The following ITGAL variants were observed in gnomAD, a reference collection of about 807,000 sequenced individuals.
ITGAL encodes the protein integrin subunit alpha L.
ITGAL carries 68 observed loss-of-function variants against 138.4 expected under a neutral mutation model. The ratio of observed to expected loss-of-function variants is 0.49; its 90% CI spans 0.40 to 0.60. ITGAL has a LOEUF of 0.60. ITGAL is among the 20% of genes least tolerant of loss of function. The pLI is 0.00. For synonymous variants in ITGAL, 561 were observed against 584.3 expected (o/e 0.96, Z 0.57); for missense variants, 1,256 against 1,478.6 (o/e 0.85, Z 2.47).
In ITGAL at chr16:30,475,321, T is replaced by A; in HGVS notation, c.180T>A (p.Ala60=). 1 of 1,613,254 alleles carries A rather than the reference T, an allele frequency of 6.2e-7. No homozygotes were observed. Among genetic ancestry groups the A allele is most frequent in the Non-Finnish European group, 8.5e-7 (1 of 1,179,588 alleles). Residue 60 remains alanine, a synonymous_variant, in exon 3 of 31, where the codon GCT becomes GCA. Transcript: ENST00000356798. Reference sequence around the variant, plus strand: ...TTCTCACCAGGGTCATCGTGGGAGCTCCAGGGGAGGGGAACAGCACAGGAA... The same window carrying A: ...TTCTCACCAGGGTCATCGTGGGAGCACCAGGGGAGGGGAACAGCACAGGAA... The part of the protein sequence containing the change: ...LQVGNGVIVG[A]PGEGNSTGSL...
Position 30,496,172 on chromosome 16 carries a change from G to C in ITGAL, c.1579G>C (p.Ala527Pro). The change falls in exon 14 of 31, where the codon GCT (alanine) becomes CCT (proline). Residue 527 changes from alanine (A) to proline (P), a missense_variant. Physicochemically the swap from Ala to Pro is conservative, Grantham distance 27 (BLOSUM62 -1). Coordinates refer to ENST00000356798, the MANE Select transcript of ITGAL (RefSeq NM_002209.3). ...CGGGCGGTTTGGAGAAGCCATCACTGCTCTGACAGACATCAACGGCGATGG... is the reference window on the plus strand; with the variant it reads ...CGGGCGGTTTGGAGAAGCCATCACTCCTCTGACAGACATCAACGGCGATGG... ...PLGRFGEAITALTDINGDGLV... is the reference protein window; with the variant it reads ...PLGRFGEAITPLTDINGDGLV... 2 of 1,614,134 alleles carry C rather than the reference G, an allele frequency of 1.2e-6. No homozygotes were observed. Among genetic ancestry groups the C allele is most frequent in the African/African-American group, 1.3e-5 (1 of 75,054 alleles).
At chr16:30,483,723 GCT>G (rs2050591571) in intron 7 of ITGAL, 102 bp from the exon 8 acceptor site, 1 of 1,282,086 alleles carries the variant, frequency 7.8e-7, no homozygotes, top group Non-Finnish European at 1.1e-6. Flanking sequence ...TCCAGGAAGG[GCT>G]TTTGCGTAAC....
intron 24 of ITGAL, among the ~76,000 whole-genome samples, chr16:30,513,284 A>G (rs146298295): frequency 3.5e-4 from 53 of 152,218 alleles, no homozygotes; most frequent in Non-Finnish European, 5.0e-4. Context: ...TGTGCAGGGG[A>G]GCAGTGAGGA....
chr16:30,519,908 G>A lies in ITGAL; in HGVS notation c.3280G>A (p.Val1094Met), dbSNP rs11574949. 1.4e-5 allele frequency: 22 copies of A among 1,613,992 alleles called. No homozygotes were observed. The highest frequency in any genetic ancestry group is 1.7e-4 in the Middle Eastern group (1 of 6,060). Reference sequence around the variant, plus strand: ...TGAGAAGCAGATGCTCTACCTCTACGTGCTGAGCGGCATCGGGGGGCTGCT... The same window carrying A: ...TGAGAAGCAGATGCTCTACCTCTACATGCTGAGCGGCATCGGGGGGCTGCT... ...VYEKQMLYLY[V>M]LSGIGGLLLL... The change falls in exon 30 of 31, where the codon GTG becomes ATG. Residue 1094 changes from valine to methionine, a missense_variant. Physicochemically the swap from Val to Met is conservative, Grantham distance 21. This residue lies in a region of ITGAL where 867 missense variants were observed against 972.5 expected (regional missense o/e 0.89). Transcript: ENST00000356798.
intron 30 of ITGAL, 126 bp downstream of exon 30, chr16:30,520,093 G>A: frequency 1.5e-6 from 1 of 684,936 alleles, no homozygotes; most frequent in African/African-American, 1.8e-5. Flanking sequence ...AGAGCCAGGG[G>A]GCCTCAGCCT....
At position 30,521,600 on chromosome 16, in the gene ITGAL, G is replaced by A. The variant is rs1236553770; in HGVS notation, c.3448G>A (p.Gly1150Arg). The A allele has an allele frequency of 1.9e-6, 3 of 1,614,186 alleles. No individual in the cohort carries two copies. The highest frequency in any genetic ancestry group is 2.5e-6 in the Non-Finnish European group (3 of 1,180,026). Residue 1150 changes from glycine to arginine, a missense_variant, in exon 31 of 31, where the codon GGG (glycine) becomes AGG (arginine). By Grantham distance (125) the Gly-to-Arg change is moderately radical (BLOSUM62 -2). Around this residue, in one of 3 missense-constraint regions of ITGAL, gnomAD observed 867 missense variants for 972.5 expected, o/e 0.89. Transcript: ENST00000356798. ...GCAGCTGGCATCTGGGCAAGAGGCT[G>A]GGGATCCCGGCTGCCTGAAGCCCCT... ...SEQLASGQEAGDPGCLKPLHE... is the reference protein window; with the variant it reads ...SEQLASGQEARDPGCLKPLHE...
intron 4 of ITGAL, among the ~76,000 whole-genome samples, chr16:30,478,827 G>A (rs1239111152): frequency 3.3e-5 from 5 of 152,072 alleles, no homozygotes; most frequent in East Asian, 1.9e-4. Context: ...ATGTGGGGTC[G>A]TGCCCAGTGT....
At chr16:30,515,216 T>G (rs994871761) in intron 25 of ITGAL, among the ~76,000 whole-genome samples, 1 of 152,210 alleles carries the variant, frequency 6.6e-6, no homozygotes, top group African/African-American at 2.4e-5. Context: ...GCACCATCTC[T>G]TTCTCAAGGA....
chr16:30,478,276 G>A (rs565789224), intron 4 of ITGAL, among the ~76,000 whole-genome samples: 2 of 151,130 alleles, frequency 1.3e-5, no homozygotes, highest in South Asian at 4.2e-4. Flanking sequence ...AGAGGTTGCA[G>A]TGAGCCAAGA....
chr16:30,514,430 C>A (rs1414143666), intron 25 of ITGAL, among the ~76,000 whole-genome samples: 2 of 152,168 alleles, frequency 1.3e-5, no homozygotes, highest in Non-Finnish European at 1.5e-5. Flanking sequence ...GCATGTGCCA[C>A]CATGCCCGGC....
At chr16:30,486,714 G>A (rs1164255230) in intron 9 of ITGAL, among the ~76,000 whole-genome samples, 2 of 152,128 alleles carry the variant, frequency 1.3e-5, no homozygotes, top group Non-Finnish European at 2.9e-5. Context: ...AGAGAAGGTT[G>A]GCAGGGAGGT....
chr16:30,489,895 A>C (rs4572412), intron 11 of ITGAL, among the ~76,000 whole-genome samples: 123,153 of 151,624 alleles, frequency 0.81, 50,293 homozygotes, highest in East Asian at 1. Context: ...GAGATCACGC[A>C]GCTGCGCACC....
chr16:30,491,771 TAGCCGTG>T (rs1467471857), intron 11 of ITGAL, among the ~76,000 whole-genome samples: 2 of 152,040 alleles, frequency 1.3e-5, no homozygotes, highest in African/African-American at 4.8e-5. Context: ...GCTGAGGTTA[TAGCCGTG>T]AGCCACAATG....
Position 30,518,704 on chromosome 16 carries a change from C to A in ITGAL, c.3213C>A (p.Asn1071Lys), listed in dbSNP as rs779359688. Reference protein sequence around the residue: ...SSKHFHLYGSNASLAQVVMKV... With the variant: ...SSKHFHLYGSKASLAQVVMKV... ...AGCATTTCCACCTCTATGGCAGCAA[C>A]GCCTCCCTGGCCCAGGTATCTCCAC... Residue 1071 changes from asparagine to lysine, a missense_variant, in exon 29 of 31, where the codon AAC (asparagine) becomes AAA (lysine). By Grantham distance (94) the Asn-to-Lys change is moderately conservative. Coordinates refer to ENST00000356798, the MANE Select transcript of ITGAL (RefSeq NM_002209.3). 1 of 1,612,882 alleles carries A rather than the reference C, an allele frequency of 6.2e-7. No individual in the cohort carries two copies. Among genetic ancestry groups the A allele is most frequent in the South Asian group, 1.1e-5 (1 of 91,042 alleles).
intron 22 of ITGAL, 130 bp from the exon 23 acceptor site, chr16:30,510,751 C>T (rs1395934946): frequency 1.3e-6 from 1 of 775,164 alleles, no homozygotes; most frequent in East Asian, 2.5e-5. Context: ...TGGGTAGAAT[C>T]CTAGCTCAGT....
chr16:30,518,705 G>C lies in ITGAL; in HGVS notation c.3214G>C (p.Ala1072Pro), dbSNP rs201206480. The C allele has an allele frequency of 1.2e-6, 2 of 1,612,420 alleles. No homozygotes were observed. The highest frequency in any genetic ancestry group is 1.7e-6 in the Non-Finnish European group (2 of 1,178,656). The change falls in exon 29 of 31, where the codon GCC becomes CCC. Residue 1072 changes from alanine (A) to proline (P), a missense_variant. Ala to Pro is a conservative substitution (Grantham distance 27). Transcript: ENST00000356798. Reference protein sequence around the residue: ...SKHFHLYGSNASLAQVVMKVD... With the variant: ...SKHFHLYGSNPSLAQVVMKVD... Reference sequence around the variant, plus strand: ...GCATTTCCACCTCTATGGCAGCAACGCCTCCCTGGCCCAGGTATCTCCACC... The same window carrying C: ...GCATTTCCACCTCTATGGCAGCAACCCCTCCCTGGCCCAGGTATCTCCACC...
chr16:30,493,008 C>G (rs1285263024), intron 11 of ITGAL, among the ~76,000 whole-genome samples: 1 of 152,004 alleles, frequency 6.6e-6, no homozygotes, highest in Admixed American at 6.6e-5. Context: ...CTCTCAGCCT[C>G]TCTAGTACCT....
intron 6 of ITGAL, 34 bp downstream of exon 6, chr16:30,479,495 C>A: frequency 1.4e-5 from 22 of 1,599,258 alleles, no homozygotes; most frequent in African/African-American, 2.7e-5. Context: ...TGGTTGCATG[C>A]AATAGATGCC....
rs756946842 is a variant in ITGAL at position 30,516,968 on chromosome 16, G to A, written c.2863-5G>A. 6.2e-7 allele frequency: 1 copy of A among 1,606,766 alleles called. No individual in the cohort carries two copies. Among genetic ancestry groups the A allele is most frequent in the Non-Finnish European group, 8.5e-7 (1 of 1,173,462 alleles). On this transcript the variant is annotated splice_region_variant and splice_polypyrimidine_tract_variant and intron_variant, in intron 25 of 30. Coordinates refer to ENST00000356798, the MANE Select transcript of ITGAL (RefSeq NM_002209.3). ...GGGCTCTGCATCCCTTGTCCTCTGT[G>A]CCAGGTGAGGATCCAGCCTTCCATC...
Sources: gnomAD v4.1 joint callset for allele counts (sites outside exome capture counted in the v4.1 genomes callset) on GRCh38, gnomAD v4.1.1 for gene constraint, gnomAD v4.1.1 regional missense constraint, MANE v1.5 for transcripts, NCBI Gene and HGNC (gene_info 2026-07-23, HGNC 2026-07-21) for gene names.